The following RASA3 variants were observed in gnomAD, a reference collection of about 807,000 sequenced individuals.
The protein encoded by RASA3 is RAS p21 protein activator 3, also known as ras GTPase-activating protein 3.
Under a neutral mutation model 110.0 loss-of-function variants are expected in RASA3, and 73 were observed. That is an observed-to-expected ratio of 0.66 (90% CI 0.55 to 0.81). The LOEUF is 0.81. RASA3 is among the 30% of genes least tolerant of loss of function. The pLI is 0.00. For missense variants in RASA3, 976 were observed against 1,113.2 expected, an observed-to-expected ratio of 0.88 and a Z score of 1.75; for synonymous variants, 500 against 451.4, an observed-to-expected ratio of 1.11 and a Z score of -1.37.
intron 15 of RASA3, among the ~76,000 whole-genome samples, chr13:114,012,377 C>T (rs2053653183): frequency 1.3e-5 from 2 of 150,784 alleles, no homozygotes; most frequent in South Asian, 4.2e-4. Context: ...CACACACCTT[C>T]CACACTCCCC....
intron 1 of RASA3, chr13:114,077,769 T>C: frequency 1.0e-6 from 1 of 959,666 alleles, no homozygotes; most frequent in African/African-American, 1.8e-5. Context: ...ACACACCAGG[T>C]TCCTCCCTCC....
rs2052813077 is a variant in RASA3 at position 113,977,987 on chromosome 13, G to C, written c.*1360C>G. 6.6e-6 allele frequency: 1 copy of C among 152,152 alleles called. No individual in the cohort carries two copies. Among genetic ancestry groups the C allele is most frequent in the African/African-American group, 2.4e-5 (1 of 41,422 alleles). 9.4% of individuals were successfully genotyped at this position (152,152 alleles called of 1,614,324 possible). On this transcript the variant is annotated 3_prime_UTR_variant, in exon 24 of 24. Transcript: ENST00000334062. ...CAAGAAAGTTCCTATCTGCCATCTA[G>C]ATCAAGAGCCTGAACTACAGTATTT...
chr13:114,017,021 T>G (rs759616293), intron 12 of RASA3, among the ~76,000 whole-genome samples: 1 of 152,202 alleles, frequency 6.6e-6, no homozygotes, highest in Non-Finnish European at 1.5e-5. Flanking sequence ...GATTTTCTTA[T>G]GTATAGTTTT....
intron 1 of RASA3, among the ~76,000 whole-genome samples, chr13:114,099,289 GA>G (rs1450195584): frequency 6.6e-6 from 1 of 152,068 alleles, no homozygotes; most frequent in Non-Finnish European, 1.5e-5. Flanking sequence ...GGCAGCTGCT[GA>G]GGCCTGAGCC....
chr13:114,037,601 A>G (rs4883643), intron 4 of RASA3, among the ~76,000 whole-genome samples: 107,534 of 152,090 alleles, frequency 0.71, 38,849 homozygotes, highest in African/African-American at 0.87. Context: ...GGTGACGGTT[A>G]TACAATATTA....
At chr13:113,994,094 G>T (rs1276393069) in intron 21 of RASA3, among the ~76,000 whole-genome samples, 1 of 152,110 alleles carries the variant, frequency 6.6e-6, no homozygotes, top group East Asian at 1.9e-4. Context: ...TTTCTGAAAC[G>T]TCTGTAATTT....
intron 2 of RASA3, among the ~76,000 whole-genome samples, chr13:114,061,739 G>A (rs997424543): frequency 2.0e-5 from 3 of 151,966 alleles, no homozygotes; most frequent in Non-Finnish European, 2.9e-5. Flanking sequence ...TACTAGCCAT[G>A]GAGTCTAACA....
chr13:114,070,695 G>A (rs2079556443), intron 2 of RASA3, among the ~76,000 whole-genome samples: 2 of 144,598 alleles, frequency 1.4e-5, no homozygotes, highest in Non-Finnish European at 3.0e-5. Flanking sequence ...CGGCGTCCAC[G>A]CTAAACGGCG....
Position 114,011,394 on chromosome 13 carries a change from A to G in RASA3, c.1513-146T>C. 1.4e-6 allele frequency: 1 copy of G among 712,220 alleles called. No individual in the cohort carries two copies. Among genetic ancestry groups the G allele is most frequent in the African/African-American group, 1.8e-5 (1 of 57,018 alleles). 44.1% of individuals were successfully genotyped at this position (712,220 alleles called of 1,614,324 possible). ...CGGAGAAACAGGGGTAGCGACGCAG[A>G]TGGGACTGGAGGGGGTGGGCGTCCC... is the stretch of plus-strand genomic sequence containing the variant. On this transcript the variant is annotated intron_variant, in intron 15 of 23. Coordinates refer to ENST00000334062, the MANE Select transcript of RASA3 (RefSeq NM_007368.4). The surrounding 1 kb of genome is among the most constrained non-coding windows in gnomAD (Gnocchi z 4.8).
chr13:114,051,680 C>T (rs2079149489), intron 3 of RASA3, among the ~76,000 whole-genome samples: 1 of 145,770 alleles, frequency 6.9e-6, no homozygotes, highest in Non-Finnish European at 1.5e-5. Context: ...AAAGTTGGGA[C>T]AGGGACAGCC....
chr13:114,089,139 T>C (rs2079857894), intron 1 of RASA3, among the ~76,000 whole-genome samples: 1 of 151,622 alleles, frequency 6.6e-6, no homozygotes, highest in South Asian at 2.1e-4. Context: ...TCCTTCCTGC[T>C]GCACTTTCTG....
intron 4 of RASA3, among the ~76,000 whole-genome samples, chr13:114,030,556 A>G (rs75958426): frequency 0.053 from 5,420 of 102,706 alleles, 398 homozygotes; most frequent in African/African-American, 0.12. Flanking sequence ...TCACACAGAC[A>G]GCAAGGCTCA....
At chr13:114,092,118 C>CA (rs1488248559) in intron 1 of RASA3, among the ~76,000 whole-genome samples, 1 of 151,540 alleles carries the variant, frequency 6.6e-6, no homozygotes, top group Non-Finnish European at 1.5e-5. Context: ...TCAAAAAAAT[C>CA]AGCTTTTCAT....
At chr13:113,995,955 GCCCGGCTGATGGGGGA>G (rs2053242096) in intron 21 of RASA3, among the ~76,000 whole-genome samples, 1 of 75,524 alleles carries the variant, frequency 1.3e-5, no homozygotes, top group Non-Finnish European at 2.4e-5. Context: ...CTAATGGGGG[GCCCGGCTGATGGGGGA>G]CCCGGCTGAT....
chr13:114,027,774 GGTCTCGTGATTTCAGAGCT>G (rs1346324492), intron 6 of RASA3, 54 bp downstream of exon 6: 1 of 1,441,468 alleles, frequency 6.9e-7, no homozygotes, highest in African/African-American at 1.4e-5. Context: ...ATGAGGCAGT[GGTCTCGTGATTTCAGAGCT>G]GGACCCTAGC....
chr13:114,073,341 C>T (rs1477853167), intron 2 of RASA3, among the ~76,000 whole-genome samples: 1 of 140,192 alleles, frequency 7.1e-6, no homozygotes, highest in African/African-American at 2.7e-5. Context: ...CGGTGATGTA[C>T]ATGCTTGGGA....
At chr13:113,992,655 T>TG in intron 21 of RASA3, 67 bp from the exon 22 acceptor site, 2 of 1,201,120 alleles carry the variant, frequency 1.7e-6, no homozygotes, top group Non-Finnish European at 2.4e-6. Context: ...AATAATGACA[T>TG]TCATTTTTAA....
rs370470422 is a variant in RASA3 at position 114,060,856 on chromosome 13, C to T, written c.174-8701G>A. On this transcript the variant is annotated intron_variant, in intron 2 of 23. Coordinates refer to ENST00000334062, the MANE Select transcript of RASA3 (RefSeq NM_007368.4). ...TGTGAAGAGCAGGAGGCTGGGCCCT[C>T]GGGAAGACCCCAGCCAGGCTCTGCC... Among the ~76,000 whole-genome samples, 246 of 152,268 alleles carry T rather than the reference C, an allele frequency of 1.6e-3. 7 individuals are homozygous for T. The South Asian group carries it at 0.044, about 27-fold the overall frequency.
Position 114,018,242 on chromosome 13 carries a change from G to A in RASA3, c.953C>T (p.Ala318Val), listed in dbSNP as rs374903787. 1.7e-5 allele frequency: 27 copies of A among 1,551,598 alleles called. No individual in the cohort carries two copies. The highest frequency in any genetic ancestry group is 2.1e-5 in the Non-Finnish European group (24 of 1,148,092). The change falls in exon 11 of 24, where the codon GCG becomes GTG. Residue 318 changes from alanine to valine, a missense_variant. Ala to Val is a moderately conservative substitution (Grantham distance 64, BLOSUM62 0). Transcript: ENST00000334062. ...LKSADVEPVS[A>V]SAAHILGEVC... ...CTCGCCCAGGATGTGGGCCGCAGACGCTGACACGGGCTGCGGGGAGGGGTG... is the reference window on the plus strand; with the variant it reads ...CTCGCCCAGGATGTGGGCCGCAGACACTGACACGGGCTGCGGGGAGGGGTG...
Sources: allele counts gnomAD v4.1 joint callset (sites outside exome capture counted in the v4.1 genomes callset), GRCh38; gene constraint gnomAD v4.1.1; non-coding constraint Gnocchi (gnomAD v3.1); transcripts MANE v1.5; gene names NCBI Gene and HGNC (gene_info 2026-07-23, HGNC 2026-07-21).